CDHR2: variants seen among roughly 807,000 people sequenced by gnomAD.
CDHR2 encodes the protein cadherin-related family member 2.
A neutral mutation model predicts 138.6 loss-of-function variants in CDHR2; 104 were observed. The observed-to-expected ratio is 0.75, with a 90% confidence interval of 0.64 to 0.88. The LOEUF is 0.88. Ranked by LOEUF, CDHR2 falls within the 40% of genes least tolerant of loss-of-function variation. The pLI is 0.00. For synonymous variants in CDHR2, 755 were observed against 742.8 expected (o/e 1.02, Z -0.27); for missense variants, 1,624 against 1,727.6 (o/e 0.94, Z 1.06).
chr5:176,551,884 TG>T (rs35127166), intron 1 of CDHR2, among the ~76,000 whole-genome samples: 75,585 of 147,666 alleles, frequency 0.51, 23,472 homozygotes, highest in Non-Finnish European at 0.69. Flanking sequence ...TTTTTTTTTT[TG>T]GGGAACTTTT....
chr5:176,556,085 T>C (rs1757816496), intron 1 of CDHR2, among the ~76,000 whole-genome samples: 1 of 152,222 alleles, frequency 6.6e-6, no homozygotes, highest in African/African-American at 2.4e-5. Context: ...GGGACCTTCT[T>C]TGAACTCCTG....
chr5:176,552,444 C>T (rs1211678352), intron 1 of CDHR2, among the ~76,000 whole-genome samples: 4 of 152,258 alleles, frequency 2.6e-5, no homozygotes, highest in Non-Finnish European at 4.4e-5. Flanking sequence ...GAGAGCAGCT[C>T]GTGTGGAAAA....
rs765240114 is a variant in CDHR2, at chr5:176,569,029, G to C, written c.315+19G>C. ...CATCCAGGTGAGTTGGGAGGTGCAGGGGGGTAGACAGGGATTGCGAGAGTC... is the reference window on the plus strand; with the variant it reads ...CATCCAGGTGAGTTGGGAGGTGCAGCGGGGTAGACAGGGATTGCGAGAGTC... On this transcript the variant is annotated intron_variant, in intron 5 of 31. Coordinates refer to ENST00000261944, the MANE Select transcript of CDHR2 (RefSeq NM_017675.6). 2.5e-6 allele frequency: 4 copies of C among 1,613,716 alleles called. No homozygotes were observed. Among genetic ancestry groups the C allele is most frequent in the Middle Eastern group, 1.7e-4 (1 of 6,060 alleles).
At chr5:176,544,394 TC>T (rs1405033459), upstream of CDHR2, among the ~76,000 whole-genome samples, 1 of 151,774 alleles carries the variant, frequency 6.6e-6, no homozygotes, top group African/African-American at 2.4e-5. Flanking sequence ...TTCCTTTTTT[TC>T]TTTCTTCTAT....
At chr5:176,549,726 C>G (rs1451703664) in intron 1 of CDHR2, among the ~76,000 whole-genome samples, 1 of 152,166 alleles carries the variant, frequency 6.6e-6, no homozygotes, top group Non-Finnish European at 1.5e-5. Context: ...AGGTAACTGG[C>G]CTGACCCCTT....
rs949525046 is a variant in CDHR2 at position 176,553,777 on chromosome 5, C to T, written c.-16+4363C>T. Among the ~76,000 whole-genome samples the T allele has an allele frequency of 6.6e-6, 1 of 151,998 alleles. No homozygotes were observed. The highest frequency in any genetic ancestry group is 2.4e-5 in the African/African-American group (1 of 41,390). On this transcript the variant is annotated intron_variant, in intron 1 of 31. Coordinates refer to ENST00000261944, the MANE Select transcript of CDHR2 (RefSeq NM_017675.6). This position sits in a 1 kb window ranked among gnomAD's most constrained non-coding sequence, Gnocchi z 4.3. ...CTGTCACCTCCACCAGCGCCACCTG[C>T]GTCTCCACCTTCATCAGCACACACA...
chr5:176,570,770 G>C (rs1173273366), intron 5 of CDHR2, among the ~76,000 whole-genome samples: 2 of 152,090 alleles, frequency 1.3e-5, no homozygotes, highest in Non-Finnish European at 2.9e-5. Flanking sequence ...TGACCAACAT[G>C]GTAAAACCCC....
chr5:176,558,347 C>T (rs1757889173), intron 1 of CDHR2, among the ~76,000 whole-genome samples: 1 of 150,486 alleles, frequency 6.6e-6, no homozygotes, highest in Non-Finnish European at 1.5e-5. Context: ...TCCCTAGTAG[C>T]TGGGACTACA....
intron 21 of CDHR2, among the ~76,000 whole-genome samples, chr5:176,588,586 G>A (rs1360053451): frequency 1.5e-5 from 2 of 137,032 alleles, no homozygotes; most frequent in Admixed American, 7.2e-5. Context: ...TGTGTGTGAG[G>A]GTGTGTATGA....
chr5:176,579,057 T>C (rs1297296311), intron 16 of CDHR2, among the ~76,000 whole-genome samples: 1 of 152,176 alleles, frequency 6.6e-6, no homozygotes, highest in Non-Finnish European at 1.5e-5. Flanking sequence ...AGCTTCATGG[T>C]GGCCAAAGCA....
intron 21 of CDHR2, among the ~76,000 whole-genome samples, chr5:176,588,418 TGA>T (rs1304112248): frequency 7.8e-6 from 1 of 128,710 alleles, no homozygotes; most frequent in Non-Finnish European, 1.9e-5. Context: ...AGTGAGGGTG[TGA>T]GTGTGTGTGT....
intron 1 of CDHR2, 177 bp from the exon 2 acceptor site, chr5:176,565,161 C>T: frequency 1.7e-6 from 1 of 598,324 alleles, no homozygotes. Context: ...CCTGGCCTCC[C>T]CCTTGGTTCC....
chr5:176,588,623 G>A (rs1479281355), intron 21 of CDHR2, among the ~76,000 whole-genome samples: 3 of 111,314 alleles, frequency 2.7e-5, no homozygotes, highest in Non-Finnish European at 6.0e-5. Context: ...GTGTAAGTGT[G>A]TGTTAGGGTG....
chr5:176,577,310 C>A, intron 12 of CDHR2, 89 bp from the exon 13 acceptor site: 1 of 1,388,026 alleles, frequency 7.2e-7, no homozygotes, highest in Non-Finnish European at 9.8e-7. Flanking sequence ...TCGGGCGGGG[C>A]ATCCAGAGAT....
chr5:176,580,966 T>C (rs1356505589), intron 16 of CDHR2, among the ~76,000 whole-genome samples: 1 of 139,666 alleles, frequency 7.2e-6, no homozygotes, highest in African/African-American at 2.7e-5. Context: ...TTCACACTTA[T>C]GAGTTTAAAA....
chr5:176,568,217 C>T (rs1258331349), intron 3 of CDHR2, among the ~76,000 whole-genome samples: 1 of 152,174 alleles, frequency 6.6e-6, no homozygotes, highest in Non-Finnish European at 1.5e-5. Context: ...GCTGCTGTGC[C>T]CAGGCATGCA....
intron 20 of CDHR2, 112 bp downstream of exon 20, chr5:176,586,137 G>A (rs1268724540): frequency 1.2e-5 from 9 of 779,834 alleles, no homozygotes; most frequent in South Asian, 7.6e-5. Flanking sequence ...AGGGGGGAAG[G>A]CCTCTAATCC....
intron 1 of CDHR2, among the ~76,000 whole-genome samples, chr5:176,556,060 T>C (rs1160084188): frequency 6.6e-6 from 1 of 152,232 alleles, no homozygotes; most frequent in Non-Finnish European, 1.5e-5. Context: ...CCTCTCTCCC[T>C]GCAACCCAGC....
At position 176,578,209 on chromosome 5, in the gene CDHR2, T is replaced by C. The variant is rs1426629395; in HGVS notation, c.1574+114T>C. The stretch of plus-strand genomic sequence containing the variant: ...AAGACCGAAGGCACTCAGTTACATT[T>C]CAATTTCAGATAAACAAGGAATGAC... On this transcript the variant is annotated intron_variant, in intron 15 of 31. Coordinates refer to ENST00000261944, the MANE Select transcript of CDHR2 (RefSeq NM_017675.6). 2.4e-6 allele frequency: 3 copies of C among 1,244,680 alleles called. No individual in the cohort carries two copies. The East Asian group carries it at 7.6e-5, about 31-fold the overall frequency. 77.1% of individuals were successfully genotyped at this position (1,244,680 alleles called of 1,614,324 possible).
Sources: gnomAD v4.1 joint callset for allele counts (sites outside exome capture counted in the v4.1 genomes callset) on GRCh38, gnomAD v4.1.1 for gene constraint, Gnocchi (gnomAD v3.1) non-coding constraint, MANE v1.5 for transcripts, NCBI Gene and HGNC (gene_info 2026-07-23, HGNC 2026-07-21) for gene names.